ADAMTSL1: variants seen among roughly 807,000 people sequenced by gnomAD.
ADAMTSL1 encodes ADAMTS-like protein 1.
Under a neutral mutation model 201.8 loss-of-function variants are expected in ADAMTSL1, and 126 were observed. That is an observed-to-expected ratio of 0.62 (90% confidence interval 0.54 to 0.72). The LOEUF (loss-of-function observed/expected upper bound fraction) is 0.72, where lower values mean the gene tolerates loss of function less well. Ranked by LOEUF, ADAMTSL1 falls within the 30% of genes least tolerant of loss-of-function variation. The pLI, the probability that ADAMTSL1 is intolerant of heterozygous loss-of-function variation, is 0.00. For synonymous variants in ADAMTSL1, 1,121 were observed against 903.4 expected (o/e 1.24, Z -4.32); for missense variants, 2,679 against 2,277.8 (o/e 1.18, Z -3.59).
chr9:17,935,740 C>T (rs1826980851), intron 1 of ADAMTSL1, among the ~76,000 whole-genome samples: 1 of 152,116 alleles, frequency 6.6e-6, no homozygotes, highest in African/African-American at 2.4e-5. Flanking sequence ...TGCAGATGGA[C>T]CATCTTGATT....
At chr9:18,572,149 C>T (rs1199828337) in intron 3 of ADAMTSL1, among the ~76,000 whole-genome samples, 2 of 150,816 alleles carry the variant, frequency 1.3e-5, no homozygotes, top group Non-Finnish European at 2.9e-5. Context: ...GAGCCGAGAT[C>T]ACGCCACTAC....
chr9:18,256,973 C>T (rs1032126318), intron 2 of ADAMTSL1, among the ~76,000 whole-genome samples: 1 of 152,198 alleles, frequency 6.6e-6, no homozygotes, highest in Non-Finnish European at 1.5e-5. Context: ...GTACCCCTGC[C>T]TCAAGCTTAC....
intron 1 of ADAMTSL1, among the ~76,000 whole-genome samples, chr9:18,122,585 G>GT (rs1009734582): frequency 1.2e-4 from 18 of 152,032 alleles, no homozygotes; most frequent in African/African-American, 4.1e-4. Context: ...GTTTTCTGTG[G>GT]TTTTTTTGAA....
At chr9:18,506,804 C>T (rs1212384736) in intron 2 of ADAMTSL1, among the ~76,000 whole-genome samples, 1 of 151,830 alleles carries the variant, frequency 6.6e-6, no homozygotes, top group Non-Finnish European at 1.5e-5. Context: ...CAAGGCTGAC[C>T]AAGAAGCTTA....
Position 18,775,819 on chromosome 9 carries a change from C to G in ADAMTSL1, c.2474C>G (p.Thr825Arg), listed in dbSNP as rs1438679582. 1 of 1,609,370 alleles carries G rather than the reference C, an allele frequency of 6.2e-7. No individual in the cohort carries two copies. The highest frequency in any genetic ancestry group is 8.5e-7 in the Non-Finnish European group (1 of 1,177,688). ...CRKMLKTGLS[T>R]VVNSTLCPPL... The stretch of plus-strand genomic sequence containing the variant: ...AAGATGCTGAAAACCGGCCTCTCAA[C>G]GGTTGTCAATTCCACCCTGTGCCCG... The change falls in exon 18 of 29, where the codon ACG (threonine) becomes AGG (arginine). Residue 825 changes from threonine to arginine, a missense_variant. By Grantham distance (71) the Thr-to-Arg change is moderately conservative (BLOSUM62 -1). Coordinates refer to ENST00000380548, the MANE Select transcript of ADAMTSL1 (RefSeq NM_001040272.6).
At position 18,558,241 on chromosome 9, in the gene ADAMTSL1, T is replaced by A. The variant is rs146463560; in HGVS notation, c.238-15789T>A. 6.3e-3 allele frequency among the ~76,000 whole-genome samples: 964 copies of A among 152,270 alleles called. 4 individuals carry two copies. The highest frequency in any genetic ancestry group is 9.4e-3 in the Non-Finnish European group (636 of 68,006). ...GTTCTCATTGTTCAACTCCAACTTA[T>A]GAGTGAGAACATTCAGTGTCTGGTT... is the stretch of plus-strand genomic sequence containing the variant. On this transcript the variant is annotated intron_variant, in intron 3 of 28. Coordinates refer to ENST00000380548, the MANE Select transcript of ADAMTSL1 (RefSeq NM_001040272.6).
At chr9:18,828,660 T>TATATATATATATATATA (rs1554643932) in intron 22 of ADAMTSL1, among the ~76,000 whole-genome samples, 10 of 28,492 alleles carry the variant, frequency 3.5e-4, no homozygotes, top group Admixed American at 5.9e-4. Flanking sequence ...GAAAGTATAT[T>TATATATATATATATATA]TATATATATA....
chr9:18,121,754 G>A (rs1175833709), intron 1 of ADAMTSL1, among the ~76,000 whole-genome samples: 1 of 152,094 alleles, frequency 6.6e-6, no homozygotes, highest in Non-Finnish European at 1.5e-5. Context: ...TTAAAATGAT[G>A]GTGTATTTTT....
At chr9:18,852,350 T>A (rs1826549241) in intron 23 of ADAMTSL1, among the ~76,000 whole-genome samples, 1 of 152,216 alleles carries the variant, frequency 6.6e-6, no homozygotes, top group Non-Finnish European at 1.5e-5. Flanking sequence ...AATGGTGCCT[T>A]CCCACATAGT....
At chr9:18,393,682 G>C (rs1352114720) in intron 2 of ADAMTSL1, among the ~76,000 whole-genome samples, 2 of 152,182 alleles carry the variant, frequency 1.3e-5, no homozygotes, top group Non-Finnish European at 2.9e-5. Flanking sequence ...AAGTGATGTT[G>C]GGAGAAGCTT....
At chr9:18,149,717 A>C (rs1826824988) in intron 1 of ADAMTSL1, among the ~76,000 whole-genome samples, 1 of 152,058 alleles carries the variant, frequency 6.6e-6, no homozygotes, top group African/African-American at 2.4e-5. Context: ...TTTTTTAGAA[A>C]GCTCACTCAA....
At chr9:18,356,502 G>A (rs1368337805) in intron 2 of ADAMTSL1, among the ~76,000 whole-genome samples, 1 of 141,770 alleles carries the variant, frequency 7.1e-6, no homozygotes, top group Non-Finnish European at 1.5e-5. Context: ...TATCCAGCTT[G>A]GGGGACACAG....
intron 1 of ADAMTSL1, among the ~76,000 whole-genome samples, chr9:18,092,034 T>G (rs1409222996): frequency 3.9e-5 from 6 of 152,174 alleles, no homozygotes; most frequent in Non-Finnish European, 8.8e-5. Context: ...CCTCTGATAT[T>G]TTTGTTCATC....
chr9:18,300,609 A>C (rs1563870119), intron 2 of ADAMTSL1, among the ~76,000 whole-genome samples: 1 of 152,232 alleles, frequency 6.6e-6, no homozygotes, highest in African/African-American at 2.4e-5. Context: ...TTAAAGTATT[A>C]AAACAAACAA....
intron 2 of ADAMTSL1, among the ~76,000 whole-genome samples, chr9:18,271,465 G>A (rs1296348258): frequency 6.6e-6 from 1 of 152,054 alleles, no homozygotes; most frequent in Non-Finnish European, 1.5e-5. Flanking sequence ...TGAGAATGAT[G>A]GTTTCCAGCT....
chr9:17,972,307 T>TC (rs1239346109), intron 1 of ADAMTSL1, among the ~76,000 whole-genome samples: 1 of 71,428 alleles, frequency 1.4e-5, no homozygotes, highest in Non-Finnish European at 2.9e-5. Context: ...ATGCTATCCC[T>TC]CCCCCCTCCC....
chr9:18,665,053 G>T (rs1396707970), intron 9 of ADAMTSL1, among the ~76,000 whole-genome samples: 2 of 151,900 alleles, frequency 1.3e-5, no homozygotes, highest in Non-Finnish European at 1.5e-5. Flanking sequence ...AAATGCTTTT[G>T]CCCTCATCAT....
chr9:18,420,841 C>A (rs536689363), intron 2 of ADAMTSL1, among the ~76,000 whole-genome samples: 1 of 152,216 alleles, frequency 6.6e-6, no homozygotes, highest in South Asian at 2.1e-4. Context: ...GTTTTTGTCT[C>A]GAATGCCAAC....
chr9:18,485,893 C>G (rs2131830797), intron 1 of ADAMTSL1, among the ~76,000 whole-genome samples: 1 of 152,340 alleles, frequency 6.6e-6, no homozygotes, highest in African/African-American at 2.4e-5. Context: ...ATTATTACAC[C>G]TCTCCTGGTG....
Sources: allele counts gnomAD v4.1 joint callset (sites outside exome capture counted in the v4.1 genomes callset), GRCh38; gene constraint gnomAD v4.1.1; transcripts MANE v1.5; gene names NCBI Gene and HGNC (gene_info 2026-07-23, HGNC 2026-07-21).